Variants in PLA2G4A observed in about 807,000 individuals in gnomAD.
PLA2G4A encodes the protein cytosolic phospholipase A2.
A neutral mutation model predicts 81.9 loss-of-function variants in PLA2G4A; 40 were observed. The ratio of observed to expected loss-of-function variants is 0.49; its 90% confidence interval spans 0.38 to 0.64. The LOEUF (loss-of-function observed/expected upper bound fraction) is 0.64. Ranked by LOEUF, PLA2G4A falls within the 30% of genes least tolerant of loss-of-function variation. The pLI is 0.00. For synonymous variants in PLA2G4A, 302 were observed against 296.9 expected (o/e 1.02, Z -0.18); for missense variants, 715 against 905.1 (o/e 0.79, Z 2.69).
Position 186,907,789 on chromosome 1 carries a change from T to G in PLA2G4A, c.416+787T>G, listed in dbSNP as rs139521246. Among the ~76,000 whole-genome samples, 850 of 152,364 alleles carry G rather than the reference T, an allele frequency of 5.6e-3. 5 individuals carry two copies. The highest frequency in any genetic ancestry group is 7.7e-3 in the Non-Finnish European group (526 of 68,026). ...TTATTGTATTTTGATCCCTGGAACATGTGGATTTGACTTAGCAAGTGATTG... is the reference window on the plus strand; with the variant it reads ...TTATTGTATTTTGATCCCTGGAACAGGTGGATTTGACTTAGCAAGTGATTG... On this transcript the variant is annotated intron_variant, in intron 6 of 17. Transcript: ENST00000367466.
chr1:186,884,680 C>A (rs569382692), intron 3 of PLA2G4A, among the ~76,000 whole-genome samples: 9 of 152,034 alleles, frequency 5.9e-5, no homozygotes, highest in African/African-American at 2.2e-4. Flanking sequence ...AGTTCGAGAC[C>A]AGGCCTGGAC....
intron 17 of PLA2G4A, among the ~76,000 whole-genome samples, chr1:186,983,099 A>G (rs12742431): frequency 0.38 from 54,576 of 143,562 alleles, 11,941 homozygotes; most frequent in East Asian, 0.57. Flanking sequence ...AAAAAAAAAA[A>G]GAAAAGAAAA....
chr1:186,934,001 C>A (rs1655843045), intron 8 of PLA2G4A, among the ~76,000 whole-genome samples: 1 of 152,018 alleles, frequency 6.6e-6, no homozygotes, highest in Non-Finnish European at 1.5e-5. Context: ...GCCATCATTG[C>A]CATCTTCTCT....
rs370044806 is a variant in PLA2G4A, at chr1:186,850,300, T to G, written c.-69-3986T>G. Among the ~76,000 whole-genome samples the G allele has an allele frequency of 8.5e-5, 13 of 152,134 alleles. 1 individual carries two copies. The highest frequency in any genetic ancestry group is 6.2e-4 in the South Asian group (3 of 4,834). On this transcript the variant is annotated intron_variant, in intron 1 of 17. Transcript: ENST00000367466. ...AGTAAATAGATATAAAAGCCACCATTGTAGACCATGTTAAGGATTTCTGAT... is the reference window on the plus strand; with the variant it reads ...AGTAAATAGATATAAAAGCCACCATGGTAGACCATGTTAAGGATTTCTGAT...
intron 5 of PLA2G4A, among the ~76,000 whole-genome samples, chr1:186,900,438 A>C (rs1654495278): frequency 1.3e-5 from 2 of 152,244 alleles, no homozygotes; most frequent in African/African-American, 4.8e-5. Flanking sequence ...CATGTGCTTT[A>C]TGAAGCTGAT....
chr1:186,845,570 G>A (rs770695258), intron 1 of PLA2G4A, among the ~76,000 whole-genome samples: 2 of 152,030 alleles, frequency 1.3e-5, no homozygotes, highest in African/African-American at 2.4e-5. Context: ...ATCTCCACGC[G>A]TCTATACAAT....
At chr1:186,838,896 G>A (rs1651881057) in intron 1 of PLA2G4A, among the ~76,000 whole-genome samples, 1 of 152,054 alleles carries the variant, frequency 6.6e-6, no homozygotes, top group East Asian at 1.9e-4. Context: ...CTGCTCTCAG[G>A]ATGTATTTCT....
chr1:186,914,217 G>T (rs1273198700), intron 7 of PLA2G4A, among the ~76,000 whole-genome samples: 2 of 151,930 alleles, frequency 1.3e-5, no homozygotes, highest in Non-Finnish European at 2.9e-5. Context: ...AGTCTCCTAA[G>T]TAGCCAGGAC....
intron 2 of PLA2G4A, among the ~76,000 whole-genome samples, chr1:186,868,445 G>A (rs947558424): frequency 5.3e-5 from 8 of 152,202 alleles, no homozygotes; most frequent in Non-Finnish European, 1.0e-4. Flanking sequence ...ACTTTGGCAA[G>A]TATGTTCATG....
intron 15 of PLA2G4A, among the ~76,000 whole-genome samples, chr1:186,967,385 G>T (rs888180568): frequency 1.5e-5 from 2 of 137,864 alleles, no homozygotes; most frequent in Non-Finnish European, 3.4e-5. Context: ...ATGGTGAGAT[G>T]GGACCAGACT....
At position 186,956,350 on chromosome 1, in the gene PLA2G4A, T is replaced by C. The variant is rs1465241033; in HGVS notation, c.1579+6T>C. The C allele has an allele frequency of 1.9e-6, 3 of 1,613,060 alleles. No individual in the cohort carries two copies. Among genetic ancestry groups the C allele is most frequent in the South Asian group, 1.1e-5 (1 of 91,068 alleles). ...ACTGGATGCAGCTGTAGCAGGTAAG[T>C]GTACAAATATAATTAGTGGGAGCTA... is the stretch of plus-strand genomic sequence containing the variant. On this transcript the variant is annotated splice_donor_region_variant and intron_variant, in intron 14 of 17. Transcript: ENST00000367466.
At chr1:186,934,844 C>T (rs1655883660) in intron 8 of PLA2G4A, among the ~76,000 whole-genome samples, 1 of 151,888 alleles carries the variant, frequency 6.6e-6, no homozygotes, top group African/African-American at 2.4e-5. Context: ...TGATTGGCCT[C>T]TCCTCCATAT....
At chr1:186,926,537 C>G (rs1035412140) in intron 7 of PLA2G4A, among the ~76,000 whole-genome samples, 2 of 152,162 alleles carry the variant, frequency 1.3e-5, no homozygotes, top group African/African-American at 4.8e-5. Flanking sequence ...CATCCTTTGT[C>G]CCCTATCAAA....
At chr1:186,874,160 G>A (rs953281955) in intron 3 of PLA2G4A, among the ~76,000 whole-genome samples, 1 of 152,110 alleles carries the variant, frequency 6.6e-6, no homozygotes, top group African/African-American at 2.4e-5. Flanking sequence ...GGGTTAATGT[G>A]TGTTAAACTC....
chr1:186,891,813 T>C (rs1654154776), intron 3 of PLA2G4A, among the ~76,000 whole-genome samples: 1 of 152,208 alleles, frequency 6.6e-6, no homozygotes, highest in Admixed American at 6.5e-5. Flanking sequence ...GAGTATATAC[T>C]CAGCAGTGGG....
chr1:186,850,622 C>T (rs988010192), intron 1 of PLA2G4A, among the ~76,000 whole-genome samples: 1 of 152,074 alleles, frequency 6.6e-6, no homozygotes. Context: ...AGCTACTGTT[C>T]GTGAATTGAA....
At chr1:186,921,044 T>A (rs555659619) in intron 7 of PLA2G4A, among the ~76,000 whole-genome samples, 1 of 152,350 alleles carries the variant, frequency 6.6e-6, no homozygotes, top group African/African-American at 2.4e-5. Context: ...TGTGCTGGAC[T>A]CTCCTCTTTT....
chr1:186,915,583 G>A (rs563756063), intron 7 of PLA2G4A, among the ~76,000 whole-genome samples: 1 of 152,202 alleles, frequency 6.6e-6, no homozygotes, highest in Admixed American at 6.5e-5. Context: ...TGGGCAGTAG[G>A]AAGAAAGATG....
intron 3 of PLA2G4A, among the ~76,000 whole-genome samples, chr1:186,885,326 C>T (rs1219791304): frequency 6.6e-6 from 1 of 152,018 alleles, no homozygotes; most frequent in African/African-American, 2.4e-5. Flanking sequence ...TTAAAAGGGG[C>T]CTAATAAATA....
Sources: gnomAD v4.1 joint callset for allele counts (sites outside exome capture counted in the v4.1 genomes callset) on GRCh38, gnomAD v4.1.1 for gene constraint, MANE v1.5 for transcripts, NCBI Gene and HGNC (gene_info 2026-07-23, HGNC 2026-07-21) for gene names.